Variants in SMYD3 observed in about 807,000 individuals in gnomAD.
SMYD3 encodes SET and MYND domain containing 3.
Under a neutral mutation model 57.7 loss-of-function variants are expected in SMYD3, and 36 were observed. The observed-to-expected ratio is 0.62, with a 90% CI of 0.48 to 0.82. SMYD3 has a LOEUF of 0.82. Ranked by LOEUF, SMYD3 falls within the 40% of genes least tolerant of loss-of-function variation. SMYD3 has a pLI of 0.00. For synonymous variants in SMYD3, 211 were observed against 195.0 expected, an observed-to-expected ratio of 1.08 and a Z score of -0.68; for missense variants, 515 against 538.8, an observed-to-expected ratio of 0.96 and a Z score of 0.44.
chr1:246,120,159 A>G (rs564847354), intron 5 of SMYD3, among the ~76,000 whole-genome samples: 27 of 152,306 alleles, frequency 1.8e-4, no homozygotes, highest in African/African-American at 6.5e-4. Context: ...GCCTTTGAGG[A>G]TAAGGATGGT....
chr1:245,752,623 T>C (rs974092682), intron 11 of SMYD3, among the ~76,000 whole-genome samples: 1 of 152,218 alleles, frequency 6.6e-6, no homozygotes, highest in African/African-American at 2.4e-5. Context: ...GAGTAAGGTC[T>C]ACTCCCCACT....
chr1:245,844,558 G>T (rs2148430307), intron 10 of SMYD3, among the ~76,000 whole-genome samples: 1 of 151,806 alleles, frequency 6.6e-6, no homozygotes. Context: ...AATGTGATCA[G>T]GATCCGGTTT....
intron 8 of SMYD3, among the ~76,000 whole-genome samples, chr1:245,914,729 G>A (rs769940988): frequency 6.6e-6 from 1 of 152,086 alleles, no homozygotes; most frequent in South Asian, 2.1e-4. Context: ...TTCTCAAAAC[G>A]CTAAAAGAGG....
At chr1:246,452,373 G>A (rs1431449878) in intron 1 of SMYD3, among the ~76,000 whole-genome samples, 1 of 152,092 alleles carries the variant, frequency 6.6e-6, no homozygotes, top group Non-Finnish European at 1.5e-5. Context: ...GTGGTGTTGT[G>A]CACCTGTACT....
At chr1:246,089,995 C>T (rs1009501595) in intron 5 of SMYD3, among the ~76,000 whole-genome samples, 2 of 151,780 alleles carry the variant, frequency 1.3e-5, no homozygotes, top group Non-Finnish European at 2.9e-5. Flanking sequence ...TAGAAGAATC[C>T]AGTCAGTTTT....
chr1:246,104,829 C>T (rs76209694), intron 5 of SMYD3, among the ~76,000 whole-genome samples: 5,431 of 152,154 alleles, frequency 0.036, 212 homozygotes, highest in East Asian at 0.15. Flanking sequence ...CCAACCCTTG[C>T]GTTCCCCCTC....
At chr1:245,980,427 C>G (rs960008550) in intron 5 of SMYD3, among the ~76,000 whole-genome samples, 1 of 152,210 alleles carries the variant, frequency 6.6e-6, no homozygotes, top group Non-Finnish European at 1.5e-5. Context: ...AGAGGCCACA[C>G]AGAGGGCAAC....
chr1:246,176,046 C>G (rs2062428898), intron 5 of SMYD3, among the ~76,000 whole-genome samples: 1 of 152,130 alleles, frequency 6.6e-6, no homozygotes, highest in Non-Finnish European at 1.5e-5. Context: ...ATAATGGAAA[C>G]CAAGTGTTTT....
intron 5 of SMYD3, among the ~76,000 whole-genome samples, chr1:246,144,343 T>C (rs2061809980): frequency 6.6e-6 from 1 of 152,274 alleles, no homozygotes; most frequent in African/African-American, 2.4e-5. Context: ...AGCTCATTTT[T>C]ATGTTTGCAA....
chr1:245,965,086 G>A (rs1468864478), intron 5 of SMYD3, among the ~76,000 whole-genome samples: 2 of 152,088 alleles, frequency 1.3e-5, no homozygotes, highest in African/African-American at 4.8e-5. Context: ...ATACCCCAGA[G>A]GGAAGAAGAA....
chr1:246,116,223 C>G (rs1167672745), intron 5 of SMYD3, among the ~76,000 whole-genome samples: 2 of 126,082 alleles, frequency 1.6e-5, no homozygotes, highest in Non-Finnish European at 3.0e-5. Flanking sequence ...CACACACACA[C>G]ACACACACAC....
intron 5 of SMYD3, among the ~76,000 whole-genome samples, chr1:246,136,200 G>A (rs2061663471): frequency 6.6e-6 from 1 of 152,090 alleles, no homozygotes; most frequent in African/African-American, 2.4e-5. Context: ...AAAGCTTTCA[G>A]GCCAGCTCTA....
intron 5 of SMYD3, among the ~76,000 whole-genome samples, chr1:246,274,943 A>G (rs1408530475): frequency 3.9e-5 from 6 of 152,130 alleles, no homozygotes; most frequent in Admixed American, 1.3e-4. Flanking sequence ...ATGCAAAAAA[A>G]CTCAATGACT....
chr1:245,756,133 T>C (rs999950132), intron 11 of SMYD3, among the ~76,000 whole-genome samples: 1 of 148,718 alleles, frequency 6.7e-6, no homozygotes, highest in African/African-American at 2.4e-5. Context: ...CATATATATG[T>C]ATATATAACT....
At chr1:245,943,919 T>G (rs952778483) in intron 5 of SMYD3, among the ~76,000 whole-genome samples, 3 of 152,266 alleles carry the variant, frequency 2.0e-5, no homozygotes, top group Non-Finnish European at 1.5e-5. Flanking sequence ...AGACAACGCC[T>G]TTGAGAAAAT....
intron 5 of SMYD3, among the ~76,000 whole-genome samples, chr1:246,198,129 G>A (rs2062854420): frequency 6.6e-6 from 1 of 152,160 alleles, no homozygotes; most frequent in Admixed American, 6.5e-5. Flanking sequence ...TTCCCAGTAA[G>A]AGAAAAGAAG....
chr1:246,067,986 A>G (rs1290274081), intron 5 of SMYD3, among the ~76,000 whole-genome samples: 2 of 152,124 alleles, frequency 1.3e-5, no homozygotes. Context: ...GGAACAAGAG[A>G]CCGTGTGGAG....
At chr1:246,408,028 C>T (rs1047248551) in intron 1 of SMYD3, among the ~76,000 whole-genome samples, 2 of 151,780 alleles carry the variant, frequency 1.3e-5, no homozygotes, top group Non-Finnish European at 2.9e-5. Flanking sequence ...CCTCACTTGG[C>T]AGAAGGGGAA....
At chr1:246,397,898 G>A (rs2066699416) in intron 1 of SMYD3, among the ~76,000 whole-genome samples, 1 of 112,998 alleles carries the variant, frequency 8.8e-6, no homozygotes. Flanking sequence ...GGGGGCACAA[G>A]ACTGGTTGAG....
Sources: allele counts gnomAD v4.1 joint callset (sites outside exome capture counted in the v4.1 genomes callset), GRCh38; gene constraint gnomAD v4.1.1; transcripts MANE v1.5; gene names NCBI Gene and HGNC (gene_info 2026-07-23, HGNC 2026-07-21).